Variants in PSEN1 observed in about 807,000 individuals in gnomAD.
PSEN1 encodes the protein presenilin 1.
In PSEN1, 15 loss-of-function variants were observed where a neutral mutation model predicts 53.5. The observed-to-expected ratio is 0.28, with a 90% confidence interval of 0.19 to 0.43. PSEN1 has a LOEUF of 0.43. PSEN1 is among the 20% of genes least tolerant of loss of function. The pLI, the probability that PSEN1 is intolerant of heterozygous loss-of-function variation, is 1.00. For synonymous variants in PSEN1, 208 were observed against 209.8 expected (o/e 0.99, Z 0.08); for missense variants, 387 against 571.2 (o/e 0.68, Z 3.29).
At chr14:73,157,589 A>G (rs946511218) in intron 3 of PSEN1, among the ~76,000 whole-genome samples, 23 of 152,294 alleles carry the variant, frequency 1.5e-4, no homozygotes, top group African/African-American at 5.5e-4. Flanking sequence ...CATTACCTCC[A>G]GAAGTTTCTT....
At chr14:73,148,162 C>T in intron 3 of PSEN1, 56 bp downstream of exon 3, 2 of 1,342,258 alleles carry the variant, frequency 1.5e-6, no homozygotes, top group Non-Finnish European at 2.1e-6. Context: ...TTATCATCTC[C>T]CCTCACCTCT....
At chr14:73,160,648 T>C (rs1285124781) in intron 3 of PSEN1, among the ~76,000 whole-genome samples, 1 of 152,142 alleles carries the variant, frequency 6.6e-6, no homozygotes, top group African/African-American at 2.4e-5. Context: ...TTGAGCATCT[T>C]TTCTTTTTTC....
chr14:73,170,785 T>C lies in PSEN1; in HGVS notation c.88-12T>C, dbSNP rs2140036214. 1 of 1,614,110 alleles carries C rather than the reference T, an allele frequency of 6.2e-7. No individual in the cohort carries two copies. The highest frequency in any genetic ancestry group is 1.3e-5 in the African/African-American group (1 of 75,058). On this transcript the variant is annotated splice_polypyrimidine_tract_variant and intron_variant, in intron 3 of 11. Transcript: ENST00000324501. ...ATCTGATTTACTGAAAATGTTTTTCTTGTGCTTATAGAATGACAATAGAGA... is the reference window on the plus strand; with the variant it reads ...ATCTGATTTACTGAAAATGTTTTTCCTGTGCTTATAGAATGACAATAGAGA...
chr14:73,198,176 A>G (rs200142391), intron 8 of PSEN1, 47 bp downstream of exon 8: 12 of 1,130,708 alleles, frequency 1.1e-5, no homozygotes, highest in Non-Finnish European at 1.6e-5. Context: ...TGTAGAATTT[A>G]TCGGAACTGA....
intron 3 of PSEN1, among the ~76,000 whole-genome samples, chr14:73,152,055 G>A (rs1897247057): frequency 6.6e-6 from 1 of 150,476 alleles, no homozygotes; most frequent in Non-Finnish European, 1.5e-5. Context: ...GGGACTACAG[G>A]CGCCCGCCAC....
chr14:73,212,488 T>C (rs1899745469), intron 10 of PSEN1, among the ~76,000 whole-genome samples: 2 of 152,340 alleles, frequency 1.3e-5, no homozygotes, highest in African/African-American at 4.8e-5. Flanking sequence ...TTTGTTTTTT[T>C]AATTGTTCCA....
In PSEN1 at chr14:73,147,816, G is replaced by T. The variant is rs1742901711; in HGVS notation, c.-114G>T. The T allele has an allele frequency of 3.4e-6, 2 of 581,212 alleles. No individual in the cohort carries two copies. The highest frequency in any genetic ancestry group is 5.9e-5 in the East Asian group (2 of 33,770). The allele number at this position is 581,212 out of a possible 1,614,324, so 36.0% of individuals were successfully genotyped here. ...TCAGACCTAATCTGGGAGCCTGCAA[G>T]TGACAACAGCCTTTGCGGTCCTTAG... On this transcript the variant is annotated 5_prime_UTR_variant, in exon 2 of 12. Transcript: ENST00000324501.
chr14:73,138,745 G>A (rs1896823367), intron 1 of PSEN1, among the ~76,000 whole-genome samples: 1 of 149,916 alleles, frequency 6.7e-6, no homozygotes, highest in African/African-American at 2.4e-5. Context: ...CGGATCATGA[G>A]GTCAGGAGAT....
In PSEN1 at chr14:73,220,618, G is replaced by A. The variant is rs534147887; in HGVS notation, c.*1329G>A. Reference sequence around the variant, plus strand: ...GGAAAGAGAAGGGGCCTCCAGCAGCGAAGGGGATACAGTGAGCTAATGATG... The same window carrying A: ...GGAAAGAGAAGGGGCCTCCAGCAGCAAAGGGGATACAGTGAGCTAATGATG... On this transcript the variant is annotated 3_prime_UTR_variant, in exon 12 of 12. Transcript: ENST00000324501. 3.9e-5 allele frequency: 6 copies of A among 152,336 alleles called. No individual in the cohort carries two copies. The highest frequency in any genetic ancestry group is 2.1e-4 in the South Asian group (1 of 4,822). The allele number at this position is 152,336 out of a possible 1,614,324, so 9.4% of individuals were successfully genotyped here.
chr14:73,143,482 A>G (rs370623087), intron 1 of PSEN1, among the ~76,000 whole-genome samples: 2 of 152,220 alleles, frequency 1.3e-5, no homozygotes, highest in Admixed American at 6.5e-5. Flanking sequence ...TTTTTTTTAC[A>G]TGTCAGTACA....
intron 7 of PSEN1, among the ~76,000 whole-genome samples, chr14:73,193,879 AC>A (rs1898829260): frequency 1.3e-5 from 2 of 151,254 alleles, no homozygotes; most frequent in South Asian, 2.1e-4. Context: ...CTGGTCTTGA[AC>A]TCTTGGGCTC....
intron 3 of PSEN1, among the ~76,000 whole-genome samples, chr14:73,148,747 A>G (rs990141536): frequency 5.9e-5 from 9 of 152,132 alleles, no homozygotes; most frequent in Middle Eastern, 3.2e-3. Context: ...AGCTTGGCCA[A>G]CATGGAGAAA....
In PSEN1 at chr14:73,164,768, A is replaced by G. The variant is rs528191966; in HGVS notation, c.88-6029A>G. Among the ~76,000 whole-genome samples, 17 of 152,356 alleles carry G rather than the reference A, an allele frequency of 1.1e-4. No individual in the cohort carries two copies. The South Asian group carries it at 3.3e-3, about 30-fold the overall frequency. On this transcript the variant is annotated intron_variant, in intron 3 of 11. Coordinates refer to ENST00000324501, the MANE Select transcript of PSEN1 (RefSeq NM_000021.4). ...TTTTAAATTCCAAATTTCACACACT[A>G]TGATTTCACCCATAAAATGTAGTGA...
At chr14:73,204,772 C>T (rs1899382296) in intron 8 of PSEN1, among the ~76,000 whole-genome samples, 2 of 152,206 alleles carry the variant, frequency 1.3e-5, no homozygotes, top group Non-Finnish European at 2.9e-5. Flanking sequence ...TGCAGTGGCT[C>T]ATGCCTGTAA....
At chr14:73,164,388 C>G (rs1466601935) in intron 3 of PSEN1, among the ~76,000 whole-genome samples, 1 of 152,026 alleles carries the variant, frequency 6.6e-6, no homozygotes, top group Non-Finnish European at 1.5e-5. Context: ...TGGACAATAC[C>G]CTAAGAGGAG....
intron 9 of PSEN1, among the ~76,000 whole-genome samples, chr14:73,209,392 C>T (rs1349318983): frequency 5.3e-5 from 8 of 152,220 alleles, no homozygotes; most frequent in African/African-American, 1.9e-4. Context: ...TGCCACAAGC[C>T]TGGCTCTTGT....
At chr14:73,203,076 G>T (rs1899297353) in intron 8 of PSEN1, among the ~76,000 whole-genome samples, 1 of 151,846 alleles carries the variant, frequency 6.6e-6, no homozygotes, top group Non-Finnish European at 1.5e-5. Flanking sequence ...AGTTTGAGAG[G>T]TTTTTTTGTT....
At chr14:73,213,718 A>G (rs940912186) in intron 10 of PSEN1, among the ~76,000 whole-genome samples, 1 of 152,258 alleles carries the variant, frequency 6.6e-6, no homozygotes, top group Non-Finnish European at 1.5e-5. Flanking sequence ...AGTTCTCCCA[A>G]GAAAATGTAA....
At chr14:73,197,849 T>A in intron 7 of PSEN1, 182 bp from the exon 8 acceptor site, 1 of 596,932 alleles carries the variant, frequency 1.7e-6, no homozygotes, top group Non-Finnish European at 3.0e-6. Context: ...ATTTTGTTTA[T>A]GTTGTCTCCC....
Sources: gnomAD v4.1 joint callset for allele counts (sites outside exome capture counted in the v4.1 genomes callset) on GRCh38, gnomAD v4.1.1 for gene constraint, MANE v1.5 for transcripts, NCBI Gene and HGNC (gene_info 2026-07-23, HGNC 2026-07-21) for gene names.